The following STAT4 variants were observed in gnomAD, a reference collection of about 807,000 sequenced individuals.
STAT4 encodes the protein signal transducer and activator of transcription 4.
Under a neutral mutation model 110.5 loss-of-function variants are expected in STAT4, and 42 were observed. The ratio of observed to expected loss-of-function variants is 0.38; its 90% CI spans 0.30 to 0.49. The LOEUF (loss-of-function observed/expected upper bound fraction) is 0.49. STAT4 is among the 20% of genes least tolerant of loss of function. The pLI, the probability that STAT4 is intolerant of heterozygous loss-of-function variation, is 0.95. For synonymous variants in STAT4, 284 were observed against 302.2 expected, an observed-to-expected ratio of 0.94 and a Z score of 0.63; for missense variants, 632 against 887.9, an observed-to-expected ratio of 0.71 and a Z score of 3.66.
rs1574141924 is a variant in STAT4 at position 191,086,310 on chromosome 2, C to A, written c.274-9985G>T. ...TGACAGGCCCGGGAACCTCATAGGA[C>A]CTCAAGAAGAGAGGAATTCACCCAA... On this transcript the variant is annotated intron_variant, in intron 3 of 23. Coordinates refer to ENST00000392320, the MANE Select transcript of STAT4 (RefSeq NM_003151.4). This position sits in a 1 kb window ranked among gnomAD's most constrained non-coding sequence, Gnocchi z 5.5. 6.6e-6 allele frequency among the ~76,000 whole-genome samples: 1 copy of A among 152,076 alleles called. No individual in the cohort carries two copies. Among genetic ancestry groups the A allele is most frequent in the Non-Finnish European group, 1.5e-5 (1 of 68,020 alleles).
chr2:191,147,938 C>A lies in STAT4; in HGVS notation c.128+138G>T. The A allele has an allele frequency of 8.4e-7, 1 of 1,191,810 alleles. No individual in the cohort carries two copies. Among genetic ancestry groups the A allele is most frequent in the South Asian group, 1.6e-5 (1 of 63,128 alleles). 73.8% of individuals were successfully genotyped at this position (1,191,810 alleles called of 1,614,324 possible). A position where few individuals can be genotyped will look rare whatever the true frequency, so the allele number is the denominator to read the frequency against. ...CAATTATTCCCCTTCTTTGGGAAGG[C>A]TTTCAAATCCTTGAGAAAGTTCTTT... On this transcript the variant is annotated intron_variant, in intron 2 of 23. Coordinates refer to ENST00000392320, the MANE Select transcript of STAT4 (RefSeq NM_003151.4). The surrounding 1 kb of genome is among the most constrained non-coding windows in gnomAD (Gnocchi z 4.1).
intron 1 of STAT4, among the ~76,000 whole-genome samples, chr2:191,148,583 T>G (rs1176062398): frequency 6.6e-6 from 1 of 152,192 alleles, no homozygotes; most frequent in African/African-American, 2.4e-5. Flanking sequence ...GGCAAACGTA[T>G]TTGACATTTA....
intron 3 of STAT4, among the ~76,000 whole-genome samples, chr2:191,093,314 T>C (rs577441270): frequency 6.6e-6 from 1 of 152,332 alleles, no homozygotes; most frequent in East Asian, 1.9e-4. Flanking sequence ...TGACACCTCA[T>C]ACAGGTGGGT....
chr2:191,148,267 C>T (rs779074558), intron 1 of STAT4, 63 bp from the exon 2 acceptor site: 2 of 1,548,152 alleles, frequency 1.3e-6, no homozygotes, highest in African/African-American at 2.8e-5. Flanking sequence ...TACATATTTT[C>T]TTCTTTCCTT....
intron 3 of STAT4, among the ~76,000 whole-genome samples, chr2:191,080,142 T>C (rs1286594628): frequency 1.3e-5 from 2 of 152,126 alleles, no homozygotes; most frequent in African/African-American, 4.8e-5. Context: ...CTGACCTTTA[T>C]CTCTAGTAAT....
chr2:191,030,743 T>C lies in STAT4; in HGVS notation c.2220+229A>G, dbSNP rs1695867945. 1 of 436,434 alleles carries C rather than the reference T, an allele frequency of 2.3e-6. No individual in the cohort carries two copies. Among genetic ancestry groups the C allele is most frequent in the East Asian group, 4.4e-5 (1 of 22,732 alleles). The allele number at this position is 436,434 out of a possible 1,614,324, so 27.0% of individuals were successfully genotyped here. On this transcript the variant is annotated intron_variant, in intron 23 of 23. Coordinates refer to ENST00000392320, the MANE Select transcript of STAT4 (RefSeq NM_003151.4). This position sits in a 1 kb window ranked among gnomAD's most constrained non-coding sequence, Gnocchi z 4.4. ...TATTTTGCCCTCTGGTGGTTTCTGG[T>C]GGAAACAACGTAAAGCAGTTTAAGT...
chr2:191,130,947 T>C (rs1699019279), intron 3 of STAT4, among the ~76,000 whole-genome samples: 1 of 87,334 alleles, frequency 1.1e-5, no homozygotes, highest in African/African-American at 3.8e-5. Flanking sequence ...TAAATGCATT[T>C]ATTAAAAAAG....
intron 14 of STAT4, among the ~76,000 whole-genome samples, chr2:191,045,802 C>A (rs748708146): frequency 2.6e-5 from 4 of 152,124 alleles, no homozygotes; most frequent in African/African-American, 7.2e-5. Context: ...AGGGTGGAAT[C>A]ACTTCTTACT....
rs1450099447 is a variant in STAT4, at chr2:191,030,063, G to A, written c.2221-197C>T. ...TAAAATAAAAGGTACCTTTCAAGGA[G>A]ACAGAAAAGTGTTTTAAGAAAAAGG... On this transcript the variant is annotated intron_variant, in intron 23 of 23. Transcript: ENST00000392320. The surrounding 1 kb of genome is among the most constrained non-coding windows in gnomAD (Gnocchi z 4.4). Among the ~76,000 whole-genome samples, 1 of 152,118 alleles carries A rather than the reference G, an allele frequency of 6.6e-6. No individual in the cohort carries two copies. Among genetic ancestry groups the A allele is most frequent in the Non-Finnish European group, 1.5e-5 (1 of 68,012 alleles).
Position 191,064,935 on chromosome 2 carries a change from T to C in STAT4, c.654A>G (p.Gln218=), listed in dbSNP as rs139598810. 102 of 1,605,022 alleles carry C rather than the reference T, an allele frequency of 6.4e-5. No individual in the cohort carries two copies. In the Middle Eastern group the frequency reaches 8.3e-4, roughly 13 times the overall value. ...TTAACAGGTCTGTCTCATGGATGAT[T>C]TGGGTCATTTTACTGAGAGCCTCCT... ...KRKEALSKMT[Q]IIHETDLLMN... Residue 218 remains glutamine (Q), a synonymous_variant, in exon 8 of 24, where the codon CAA becomes CAG. Coordinates refer to ENST00000392320, the MANE Select transcript of STAT4 (RefSeq NM_003151.4).
At chr2:191,095,369 C>T (rs547396873) in intron 3 of STAT4, among the ~76,000 whole-genome samples, 33 of 152,264 alleles carry the variant, frequency 2.2e-4, no homozygotes, top group Non-Finnish European at 3.4e-4. Context: ...GGAAGTAAAA[C>T]ACTCCTCAGC....
chr2:191,128,518 C>T (rs1021397306), intron 3 of STAT4, among the ~76,000 whole-genome samples: 7 of 152,162 alleles, frequency 4.6e-5, no homozygotes, highest in Non-Finnish European at 8.8e-5. Flanking sequence ...AATCTCACTT[C>T]GTGGGATATT....
chr2:191,111,417 C>T (rs1156873213), intron 3 of STAT4, among the ~76,000 whole-genome samples: 1 of 151,914 alleles, frequency 6.6e-6, no homozygotes, highest in Non-Finnish European at 1.5e-5. Flanking sequence ...AACTTTTTTT[C>T]AAATGATCAC....
At chr2:191,139,924 G>T (rs1699277563) in intron 3 of STAT4, among the ~76,000 whole-genome samples, 1 of 152,124 alleles carries the variant, frequency 6.6e-6, no homozygotes, top group African/African-American at 2.4e-5. Context: ...AAATGGAACA[G>T]AATAGAGAAC....
chr2:191,113,041 G>A lies in STAT4; in HGVS notation c.273+33572C>T, dbSNP rs540380917. On this transcript the variant is annotated intron_variant, in intron 3 of 23. Transcript: ENST00000392320. The surrounding 1 kb of genome is among the most constrained non-coding windows in gnomAD (Gnocchi z 4.8). ...ATACTCACACGAGTAGGGCAAGTGG[G>A]CCCATCAGTTGTGCTGGTCTAAGCT... Among the ~76,000 whole-genome samples the A allele has an allele frequency of 4.6e-5, 7 of 152,304 alleles. No homozygotes were observed. Among genetic ancestry groups the A allele is most frequent in the African/African-American group, 1.7e-4 (7 of 41,558 alleles).
chr2:191,118,135 C>A (rs56381352), intron 3 of STAT4, among the ~76,000 whole-genome samples: 332 of 152,268 alleles, frequency 2.2e-3, no homozygotes, highest in African/African-American at 7.5e-3. Flanking sequence ...TGAATTGGCA[C>A]GTTACTAAAG....
At chr2:191,038,748 AAATG>A (rs1181645202) in intron 16 of STAT4, among the ~76,000 whole-genome samples, 2 of 152,232 alleles carry the variant, frequency 1.3e-5, no homozygotes, top group Non-Finnish European at 2.9e-5. Flanking sequence ...ATCCACTTGA[AAATG>A]TGCACTGTCA....
rs937107040 is a variant in STAT4, at chr2:191,036,163, C to T, written c.1570+1G>A. Reference sequence around the variant, plus strand: ...AATCCTCTCTATCTACCAGCTCTCACCTGTAAGCTTCTCTGCCAGCATATG... The same window carrying T: ...AATCCTCTCTATCTACCAGCTCTCATCTGTAAGCTTCTCTGCCAGCATATG... On this transcript the variant is annotated splice_donor_variant, in intron 17 of 23. Transcript: ENST00000392320. LOFTEE classifies it high-confidence loss of function. 6.2e-7 allele frequency: 1 copy of T among 1,614,044 alleles called. No homozygotes were observed. The highest frequency in any genetic ancestry group is 8.5e-7 in the Non-Finnish European group (1 of 1,179,976).
rs1272430625 is a variant in STAT4 at position 191,143,001 on chromosome 2, T to A, written c.273+3612A>T. 6.6e-6 allele frequency among the ~76,000 whole-genome samples: 1 copy of A among 152,202 alleles called. No individual in the cohort carries two copies. The highest frequency in any genetic ancestry group is 1.5e-5 in the Non-Finnish European group (1 of 68,030). On this transcript the variant is annotated intron_variant, in intron 3 of 23. Transcript: ENST00000392320. The surrounding 1 kb of genome is among the most constrained non-coding windows in gnomAD (Gnocchi z 5.6). The stretch of plus-strand genomic sequence containing the variant: ...GTAAGTTAATAATAATGTATCAATA[T>A]TATTTCGTCAACTGTCACAAATGTA...
Sources: allele counts gnomAD v4.1 joint callset (sites outside exome capture counted in the v4.1 genomes callset), GRCh38; gene constraint gnomAD v4.1.1; non-coding constraint Gnocchi (gnomAD v3.1); transcripts MANE v1.5; gene names NCBI Gene and HGNC (gene_info 2026-07-23, HGNC 2026-07-21).